The following DMD variants were observed in gnomAD, a reference collection of about 807,000 sequenced individuals.
DMD encodes mutant dystrophin.
DMD carries 63 observed loss-of-function variants against 330.1 expected under a neutral mutation model. That is an observed-to-expected ratio of 0.19 (90% confidence interval 0.16 to 0.24). The LOEUF (loss-of-function observed/expected upper bound fraction) is 0.24. Ranked by LOEUF, DMD falls within the 10% of genes least tolerant of loss-of-function variation. The pLI is 1.00. For synonymous variants in DMD, 1,223 were observed against 959.8 expected (o/e 1.27, Z -5.07); for missense variants, 3,344 against 2,684.1 (o/e 1.25, Z -5.43).
In DMD at chrX:32,885,827, G is replaced by GAAAA. The variant is rs35272541; in HGVS notation, c.94-36011_94-36008dup. ...CTCCGTAATTGTTTCCCTTGAGGGG[G>GAAAA]AAAAAAAAAAAAAAAAAAAAAACCT... On this transcript the variant is annotated intron_variant, in intron 2 of 78. Coordinates refer to ENST00000357033, the MANE Select transcript of DMD (RefSeq NM_004006.3). Among the ~76,000 whole-genome samples the GAAAA allele has an allele frequency of 5.2e-3, 334 of 64,775 alleles. 1 individual carries two copies. The highest frequency in any genetic ancestry group is 5.8e-3 in the African/African-American group (101 of 17,375). 56.2% of individuals were successfully genotyped at this position (64,775 alleles called of 115,157 possible).
At chrX:31,874,524 G>A (rs1363190633) in intron 48 of DMD, among the ~76,000 whole-genome samples, 1 of 111,313 alleles carries the variant, frequency 9.0e-6, no homozygotes, top group African/African-American at 3.3e-5. Context: ...TATGATGCAG[G>A]CATTCTAGTA....
At chrX:32,544,905 T>C (rs2048825768) in intron 17 of DMD, among the ~76,000 whole-genome samples, 1 of 111,048 alleles carries the variant, frequency 9.0e-6, no homozygotes, top group Admixed American at 9.6e-5. Flanking sequence ...CAGTAGTTTA[T>C]CACCTATAGT....
intron 62 of DMD, among the ~76,000 whole-genome samples, chrX:31,305,147 A>T (rs939181214): frequency 2.7e-5 from 3 of 112,040 alleles, no homozygotes; most frequent in Non-Finnish European, 5.6e-5. Flanking sequence ...GACAAATAAT[A>T]GTTTGTATAT....
At chrX:31,627,575 T>C in intron 55 of DMD, 98 bp downstream of exon 55, 2 of 921,236 alleles carry the variant, frequency 2.2e-6, no homozygotes, top group Non-Finnish European at 3.1e-6. Flanking sequence ...TAAAAGCAAC[T>C]ATTTTGTTTT....
At position 32,808,008 on chromosome X, in the gene DMD, A is replaced by G. The variant is rs185452568; in HGVS notation, c.649+1485T>C. On this transcript the variant is annotated intron_variant, in intron 7 of 78. Transcript: ENST00000357033. Reference sequence around the variant, plus strand: ...TCATACAGTATAGCTCTTTATCCTCAGAGGTTGAAGTCCGTATTTTCATTA... The same window carrying G: ...TCATACAGTATAGCTCTTTATCCTCGGAGGTTGAAGTCCGTATTTTCATTA... Among the ~76,000 whole-genome samples, 7 of 111,938 alleles carry G rather than the reference A, an allele frequency of 6.3e-5. No homozygotes were observed. The East Asian group carries it at 2.0e-3, about 31-fold the overall frequency.
intron 45 of DMD, among the ~76,000 whole-genome samples, chrX:31,956,235 G>A (rs1181860127): frequency 5.4e-5 from 6 of 111,857 alleles, no homozygotes; most frequent in African/African-American, 2.0e-4. Flanking sequence ...ACATCATAGA[G>A]CAATGATACC....
chrX:32,436,487 A>AT (rs1238623077), intron 29 of DMD, among the ~76,000 whole-genome samples: 1 of 111,490 alleles, frequency 9.0e-6, no homozygotes, highest in African/African-American at 3.3e-5. Context: ...GAAATGAATT[A>AT]TTTTTTCTTT....
intron 52 of DMD, among the ~76,000 whole-genome samples, chrX:31,693,041 A>T (rs892773302): frequency 1.2e-4 from 13 of 112,108 alleles, no homozygotes; most frequent in African/African-American, 4.2e-4. Flanking sequence ...ATACTAGTGA[A>T]CCATATTTAA....
At chrX:31,893,206 A>G (rs1436571040) in intron 47 of DMD, among the ~76,000 whole-genome samples, 1 of 112,183 alleles carries the variant, frequency 8.9e-6, no homozygotes, top group African/African-American at 3.2e-5. Flanking sequence ...TAAATGCTGA[A>G]CAAATATTTT....
chrX:32,798,248 C>T (rs1323769287), intron 7 of DMD, among the ~76,000 whole-genome samples: 1 of 111,959 alleles, frequency 8.9e-6, no homozygotes, highest in Admixed American at 9.5e-5. Context: ...ATTTGTCATC[C>T]AAACAACTGA....
intron 44 of DMD, among the ~76,000 whole-genome samples, chrX:32,193,604 A>G (rs766322600): frequency 7.2e-5 from 8 of 111,341 alleles, no homozygotes; most frequent in Non-Finnish European, 1.5e-4. Flanking sequence ...TTGCACATTT[A>G]GAATGTTTCC....
At chrX:32,650,897 C>A (rs937811817) in intron 9 of DMD, among the ~76,000 whole-genome samples, 7 of 111,360 alleles carry the variant, frequency 6.3e-5, no homozygotes. Context: ...TCACTTAACA[C>A]GCATTATATC....
chrX:33,232,028 G>A (rs1033349209), intron 1 of DMD, among the ~76,000 whole-genome samples: 1 of 111,772 alleles, frequency 8.9e-6, no homozygotes, highest in African/African-American at 3.3e-5. Flanking sequence ...AGCAAGAAAA[G>A]AGTGTACTGA....
At chrX:33,296,276 T>C (rs2053582572) in intron 1 of DMD, among the ~76,000 whole-genome samples, 1 of 110,977 alleles carries the variant, frequency 9.0e-6, no homozygotes, top group East Asian at 2.8e-4. Context: ...ACTGTCTGAA[T>C]GGAGCAAACT....
At chrX:32,259,447 G>A (rs1262318354) in intron 43 of DMD, among the ~76,000 whole-genome samples, 1 of 110,629 alleles carries the variant, frequency 9.0e-6, no homozygotes, top group Non-Finnish European at 1.9e-5. Flanking sequence ...TTTCCACGAC[G>A]ATGTGTATCA....
chrX:31,147,794 C>T (rs955510924), intron 74 of DMD, among the ~76,000 whole-genome samples: 51 of 110,470 alleles, frequency 4.6e-4, no homozygotes, highest in African/African-American at 1.4e-3. Flanking sequence ...AAAAGCCTCG[C>T]GACTGGTATG....
rs141438920 is a variant in DMD, at chrX:31,408,744, T to G, written c.9084+35737A>C. ...TTGTTTTGTTTTGTTTTGTTTTTAC[T>G]GGTTTATCTTACTACTTTTATTATA... On this transcript the variant is annotated intron_variant, in intron 60 of 78. Coordinates refer to ENST00000357033, the MANE Select transcript of DMD (RefSeq NM_004006.3). Among the ~76,000 whole-genome samples the G allele has an allele frequency of 8.2e-3, 912 of 111,682 alleles. 12 individuals are homozygous for G. Among genetic ancestry groups the G allele is most frequent in the African/African-American group, 0.028 (873 of 30,692 alleles).
At chrX:31,717,663 G>A (rs16989790) in intron 52 of DMD, among the ~76,000 whole-genome samples, 5,213 of 111,849 alleles carry the variant, frequency 0.047, 197 homozygotes, top group African/African-American at 0.12. Flanking sequence ...TTACCTTATC[G>A]TTCTGCACAA....
intron 9 of DMD, among the ~76,000 whole-genome samples, chrX:32,646,112 T>C (rs752391367): frequency 9.0e-6 from 1 of 111,647 alleles, no homozygotes; most frequent in Non-Finnish European, 1.9e-5. Context: ...AGCCAAGTAA[T>C]AGAGACGGGG....
Sources: gnomAD v4.1 joint callset for allele counts (sites outside exome capture counted in the v4.1 genomes callset) on GRCh38, gnomAD v4.1.1 for gene constraint, MANE v1.5 for transcripts, NCBI Gene and HGNC (gene_info 2026-07-23, HGNC 2026-07-21) for gene names.